The following TRPC4 variants were observed in gnomAD, a reference collection of about 807,000 sequenced individuals.
The protein encoded by TRPC4 is short transient receptor potential channel 4.
A neutral mutation model predicts 99.4 loss-of-function variants in TRPC4; 49 were observed. That is an observed-to-expected ratio of 0.49 (90% CI 0.39 to 0.63). The LOEUF (loss-of-function observed/expected upper bound fraction) is 0.63, where lower values mean the gene tolerates loss of function less well. TRPC4 is among the 20% of genes least tolerant of loss of function. The probability of loss-of-function intolerance (pLI) is 0.00; values close to 1 mark genes in which losing one functional copy is unlikely to be tolerated. For missense variants in TRPC4, 898 were observed against 1,152.9 expected, an observed-to-expected ratio of 0.78 and a Z score of 3.20; for synonymous variants, 454 against 425.9, an observed-to-expected ratio of 1.07 and a Z score of -0.81.
intron 1 of TRPC4, among the ~76,000 whole-genome samples, chr13:37,866,264 A>C (rs188623977): frequency 1.5e-3 from 234 of 151,866 alleles, no homozygotes; most frequent in African/African-American, 5.4e-3. Flanking sequence ...AGTGTCTCTC[A>C]AGAAGTCATT....
chr13:37,707,943 T>G (rs1412636219), intron 3 of TRPC4, among the ~76,000 whole-genome samples: 2 of 152,100 alleles, frequency 1.3e-5, no homozygotes, highest in Non-Finnish European at 2.9e-5. Context: ...CCTTTTCACT[T>G]TGGACATCTT....
intron 3 of TRPC4, 85 bp downstream of exon 3, chr13:37,745,852 C>T: frequency 1.3e-6 from 2 of 1,493,212 alleles, no homozygotes; most frequent in South Asian, 2.7e-5. Flanking sequence ...GCTCTAAAAC[C>T]CAAAACTAAT....
chr13:37,632,914 A>T lies in TRPC4; in HGVS notation c.*3989T>A, dbSNP rs1030977084. Among the ~76,000 whole-genome samples, 8 of 152,182 alleles carry T rather than the reference A, an allele frequency of 5.3e-5. No homozygotes were observed. Among genetic ancestry groups the T allele is most frequent in the African/African-American group, 1.9e-4 (8 of 41,456 alleles). On this transcript the variant is annotated 3_prime_UTR_variant, in exon 11 of 11. Coordinates refer to ENST00000379705, the MANE Select transcript of TRPC4 (RefSeq NM_016179.4). ...TTTCTACAAGGGCAAAGAAGACAAA[A>T]TGTTCCCCAAATAAAAAGTCAGTGG...
chr13:37,644,829 C>T (rs1483906006), intron 8 of TRPC4, among the ~76,000 whole-genome samples: 6 of 143,200 alleles, frequency 4.2e-5, no homozygotes, highest in Non-Finnish European at 9.0e-5. Flanking sequence ...GTGCAGATCG[C>T]GCCACTGCAC....
At chr13:37,779,291 C>G (rs9548046) in intron 2 of TRPC4, among the ~76,000 whole-genome samples, 1 of 151,592 alleles carries the variant, frequency 6.6e-6, no homozygotes, top group Non-Finnish European at 1.5e-5. Flanking sequence ...AATAAGGTAT[C>G]AAGAAGGTTA....
At chr13:37,823,373 T>C (rs1046252105) in intron 1 of TRPC4, among the ~76,000 whole-genome samples, 5 of 150,234 alleles carry the variant, frequency 3.3e-5, no homozygotes, top group African/African-American at 1.2e-4. Flanking sequence ...TGGTAATGCC[T>C]AGGTTTTCTT....
chr13:37,811,023 G>A (rs1340840558), intron 1 of TRPC4, among the ~76,000 whole-genome samples: 2 of 151,842 alleles, frequency 1.3e-5, no homozygotes, highest in African/African-American at 4.8e-5. Flanking sequence ...AATATTCCCA[G>A]ATCTTCTTTC....
At chr13:37,692,615 G>A (rs550828005) in intron 3 of TRPC4, among the ~76,000 whole-genome samples, 16 of 152,222 alleles carry the variant, frequency 1.1e-4, no homozygotes, top group East Asian at 1.9e-4. Context: ...TGGGGAATAC[G>A]AATATGCAAA....
At chr13:37,694,278 T>C (rs561966537) in intron 3 of TRPC4, among the ~76,000 whole-genome samples, 28 of 152,188 alleles carry the variant, frequency 1.8e-4, no homozygotes, top group Non-Finnish European at 3.8e-4. Context: ...GCAGTTGCCA[T>C]CATCTTATCA....
At chr13:37,716,437 T>G (rs1954669889) in intron 3 of TRPC4, among the ~76,000 whole-genome samples, 1 of 152,224 alleles carries the variant, frequency 6.6e-6, no homozygotes. Flanking sequence ...TAGCAAAGGT[T>G]TCTTTACCAT....
intron 1 of TRPC4, among the ~76,000 whole-genome samples, chr13:37,805,794 A>T (rs1407799129): frequency 2.6e-5 from 4 of 152,072 alleles, no homozygotes; most frequent in Admixed American, 2.6e-4. Flanking sequence ...TAACTGATCT[A>T]ATGTCAACTA....
At chr13:37,734,552 A>G (rs1948035465) in intron 3 of TRPC4, among the ~76,000 whole-genome samples, 1 of 152,170 alleles carries the variant, frequency 6.6e-6, no homozygotes, top group Non-Finnish European at 1.5e-5. Context: ...GTGGTCAAAG[A>G]GAAGGACCAC....
chr13:37,827,560 G>C (rs1958271122), intron 1 of TRPC4, among the ~76,000 whole-genome samples: 3 of 152,090 alleles, frequency 2.0e-5, no homozygotes, highest in South Asian at 2.1e-4. Flanking sequence ...CCCTGCTGGG[G>C]GGTGCCTCCC....
intron 1 of TRPC4, among the ~76,000 whole-genome samples, chr13:37,865,227 A>G (rs914855618): frequency 2.6e-5 from 4 of 151,702 alleles, no homozygotes; most frequent in Non-Finnish European, 1.5e-5. Context: ...AATTTCAGGG[A>G]AAACTAAAAC....
chr13:37,831,890 G>A (rs73460402), intron 1 of TRPC4, among the ~76,000 whole-genome samples: 4,718 of 152,178 alleles, frequency 0.031, 276 homozygotes, highest in African/African-American at 0.11. Flanking sequence ...GCAGGAGGGT[G>A]GAGTGGGGAA....
At chr13:37,745,454 A>ATGCGTG (rs1428607220) in intron 3 of TRPC4, among the ~76,000 whole-genome samples, 2 of 3,114 alleles carry the variant, frequency 6.4e-4, no homozygotes, top group South Asian at 8.2e-3. Flanking sequence ...ATATATATAT[A>ATGCGTG]TATATATATA....
intron 2 of TRPC4, among the ~76,000 whole-genome samples, chr13:37,772,550 G>A (rs1206617763): frequency 1.3e-5 from 2 of 151,494 alleles, no homozygotes; most frequent in African/African-American, 4.8e-5. Flanking sequence ...CATACCCTCT[G>A]GTATTGTGAA....
chr13:37,651,188 C>A (rs1459668147), intron 8 of TRPC4, 77 bp downstream of exon 8: 1 of 1,538,684 alleles, frequency 6.5e-7, no homozygotes. Context: ...AAGACCTGAA[C>A]ATGTACAATA....
intron 1 of TRPC4, among the ~76,000 whole-genome samples, chr13:37,842,618 G>A (rs1958776271): frequency 6.6e-6 from 1 of 152,096 alleles, no homozygotes; most frequent in Non-Finnish European, 1.5e-5. Flanking sequence ...TTCATAGATG[G>A]CACCTTCTTG....
Sources: allele counts gnomAD v4.1 joint callset (sites outside exome capture counted in the v4.1 genomes callset), GRCh38; gene constraint gnomAD v4.1.1; transcripts MANE v1.5; gene names NCBI Gene and HGNC (gene_info 2026-07-23, HGNC 2026-07-21).